The following TFDP2 variants were observed in gnomAD, a reference collection of about 807,000 sequenced individuals.
TFDP2 encodes the protein transcription factor Dp-2 (E2F dimerization partner 2).
In TFDP2, 17 loss-of-function variants were observed where a neutral mutation model predicts 59.3. The ratio of observed to expected loss-of-function variants is 0.29; its 90% CI spans 0.20 to 0.43. The LOEUF is 0.43. Among genes scored for constraint, TFDP2 ranks in the 20% least tolerant of loss-of-function variants. The pLI, the probability that TFDP2 is intolerant of heterozygous loss-of-function variation, is 1.00. For missense variants in TFDP2, 391 were observed against 528.8 expected, an observed-to-expected ratio of 0.74 and a Z score of 2.56; for synonymous variants, 180 against 194.7, an observed-to-expected ratio of 0.92 and a Z score of 0.63.
chr3:142,133,311 G>T (rs1262041025), intron 1 of TFDP2, among the ~76,000 whole-genome samples: 1 of 150,008 alleles, frequency 6.7e-6, no homozygotes, highest in African/African-American at 2.5e-5. Context: ...TGATCTCCTA[G>T]CCTCAAGCAA....
intron 1 of TFDP2, among the ~76,000 whole-genome samples, chr3:142,111,360 G>A (rs946640249): frequency 1.3e-5 from 2 of 150,732 alleles, no homozygotes; most frequent in Non-Finnish European, 3.0e-5. Flanking sequence ...CCCAGCAGGC[G>A]GAGGTTGCAG....
At chr3:142,061,904 A>T (rs1489166587) in intron 3 of TFDP2, among the ~76,000 whole-genome samples, 6 of 126,536 alleles carry the variant, frequency 4.7e-5, no homozygotes, top group African/African-American at 1.8e-4. Flanking sequence ...ACACACACAC[A>T]CACACACACA....
rs148733647 is a variant in TFDP2, at chr3:142,140,981, T to A, written c.-93+8202A>T. ...CTATGCCCTGCCCACAGAGGTGGAGTCTATAGAGGCAGTAGGCCTTGCTGA... is the reference window on the plus strand; with the variant it reads ...CTATGCCCTGCCCACAGAGGTGGAGACTATAGAGGCAGTAGGCCTTGCTGA... On this transcript the variant is annotated intron_variant, in intron 1 of 12. Coordinates refer to ENST00000489671, the MANE Select transcript of TFDP2 (RefSeq NM_001178139.2). Among the ~76,000 whole-genome samples the A allele has an allele frequency of 5.3e-3, 804 of 152,150 alleles. 2 individuals carry two copies. The highest frequency in any genetic ancestry group is 0.01 in the Admixed American group (158 of 15,284).
intron 1 of TFDP2, among the ~76,000 whole-genome samples, chr3:142,139,880 T>G (rs2108748910): frequency 6.6e-6 from 1 of 152,334 alleles, no homozygotes; most frequent in South Asian, 2.1e-4. Flanking sequence ...CTTTGTGGTG[T>G]TCTCTGTATT....
chr3:141,993,282 T>A (rs1559990362), intron 6 of TFDP2, among the ~76,000 whole-genome samples: 1 of 152,160 alleles, frequency 6.6e-6, no homozygotes, highest in Non-Finnish European at 1.5e-5. Flanking sequence ...AACTCTTCAT[T>A]TACCAGATGG....
At chr3:142,018,522 G>A (rs1945322822) in intron 3 of TFDP2, among the ~76,000 whole-genome samples, 1 of 151,930 alleles carries the variant, frequency 6.6e-6, no homozygotes. Flanking sequence ...GACTGCAGTG[G>A]AACAATCACA....
At chr3:141,968,070 T>C (rs1335566525) in intron 9 of TFDP2, among the ~76,000 whole-genome samples, 4 of 151,424 alleles carry the variant, frequency 2.6e-5, no homozygotes, top group South Asian at 4.2e-4. Flanking sequence ...CAGATAACTG[T>C]GCAGGGACAG....
chr3:141,996,033 C>T (rs912122229), intron 4 of TFDP2, among the ~76,000 whole-genome samples: 1 of 151,784 alleles, frequency 6.6e-6, no homozygotes, highest in East Asian at 1.9e-4. Context: ...ATAAAGAATG[C>T]TGTGATAAAC....
chr3:142,058,909 G>A (rs2059828378), intron 3 of TFDP2, among the ~76,000 whole-genome samples: 1 of 152,138 alleles, frequency 6.6e-6, no homozygotes, highest in Non-Finnish European at 1.5e-5. Flanking sequence ...AGTCAGAGGT[G>A]GGGTTGAAAG....
intron 3 of TFDP2, among the ~76,000 whole-genome samples, chr3:142,071,932 T>C (rs1046473739): frequency 1.3e-5 from 2 of 152,226 alleles, no homozygotes; most frequent in Non-Finnish European, 2.9e-5. Context: ...TTAAGACAAG[T>C]ATTTGGGCCA....
chr3:142,057,706 G>A (rs745365033), intron 3 of TFDP2, among the ~76,000 whole-genome samples: 5 of 152,188 alleles, frequency 3.3e-5, no homozygotes, highest in Non-Finnish European at 7.3e-5. Context: ...AAAGAAAAAC[G>A]TTAGAGAAAG....
intron 3 of TFDP2, among the ~76,000 whole-genome samples, chr3:142,073,997 G>A (rs550331226): frequency 2.0e-5 from 3 of 152,204 alleles, no homozygotes; most frequent in African/African-American, 4.8e-5. Flanking sequence ...CAATCATGAC[G>A]AAGAATAAAG....
At chr3:142,021,330 C>A (rs1945585147) in intron 3 of TFDP2, among the ~76,000 whole-genome samples, 1 of 152,156 alleles carries the variant, frequency 6.6e-6, no homozygotes, top group South Asian at 2.1e-4. Flanking sequence ...ATCTGACACG[C>A]ACATTCCTAC....
At chr3:142,111,792 G>A (rs1418783629) in intron 1 of TFDP2, among the ~76,000 whole-genome samples, 12 of 152,172 alleles carry the variant, frequency 7.9e-5, no homozygotes, top group African/African-American at 2.7e-4. Context: ...TTGGCCGGGT[G>A]TGGTGGCTCA....
chr3:142,074,004 A>T (rs2060352286), intron 3 of TFDP2, among the ~76,000 whole-genome samples: 1 of 152,248 alleles, frequency 6.6e-6, no homozygotes, highest in Non-Finnish European at 1.5e-5. Context: ...GACGAAGAAT[A>T]AAGTTGGAAA....
chr3:142,092,136 G>A (rs1004655389), intron 3 of TFDP2, among the ~76,000 whole-genome samples: 4 of 152,058 alleles, frequency 2.6e-5, no homozygotes, highest in Admixed American at 6.6e-5. Context: ...AGACAATATT[G>A]TTTTATCTAT....
chr3:141,953,469 G>T (rs1312434834), intron 11 of TFDP2, among the ~76,000 whole-genome samples: 1 of 152,080 alleles, frequency 6.6e-6, no homozygotes, highest in African/African-American at 2.4e-5. Flanking sequence ...CCTGCTTAGA[G>T]GGCAGACAGA....
At chr3:142,086,220 C>G (rs2060807228) in intron 3 of TFDP2, among the ~76,000 whole-genome samples, 1 of 152,128 alleles carries the variant, frequency 6.6e-6, no homozygotes, top group Non-Finnish European at 1.5e-5. Context: ...TCTTGTACAC[C>G]ATTTAACACA....
At chr3:142,133,793 C>T (rs980899165) in intron 1 of TFDP2, among the ~76,000 whole-genome samples, 1 of 152,066 alleles carries the variant, frequency 6.6e-6, no homozygotes, top group African/African-American at 2.4e-5. Context: ...TCACCACACC[C>T]AGCCTCAAAA....
Sources: allele counts gnomAD v4.1 joint callset (sites outside exome capture counted in the v4.1 genomes callset), GRCh38; gene constraint gnomAD v4.1.1; transcripts MANE v1.5; gene names NCBI Gene and HGNC (gene_info 2026-07-23, HGNC 2026-07-21).